FNDC3A: variants seen among roughly 807,000 people sequenced by gnomAD.
FNDC3A encodes fibronectin type-III domain-containing protein 3A.
A neutral mutation model predicts 148.9 loss-of-function variants in FNDC3A; 32 were observed. The ratio of observed to expected loss-of-function variants is 0.21; its 90% CI spans 0.16 to 0.29. The LOEUF (loss-of-function observed/expected upper bound fraction) is 0.29. Among genes scored for constraint, FNDC3A ranks in the 10% least tolerant of loss-of-function variants. The pLI is 1.00. For synonymous variants in FNDC3A, 472 were observed against 473.6 expected (o/e 1.00, Z 0.04); for missense variants, 1,191 against 1,452.8 (o/e 0.82, Z 2.93).
rs1886794641 is a variant in FNDC3A, at chr13:49,209,371, A to G, written c.*1976A>G. ...ACTGCAAAATTAGTGCAGAGGAGAA[A>G]ACAATTTTTAATGTAATCTTGATTT... On this transcript the variant is annotated 3_prime_UTR_variant, in exon 26 of 26. Transcript: ENST00000492622. 2 of 152,648 alleles carry G rather than the reference A, an allele frequency of 1.3e-5. No homozygotes were observed. The highest frequency in any genetic ancestry group is 1.3e-4 in the Admixed American group (2 of 15,284). 9.5% of individuals were successfully genotyped at this position (152,648 alleles called of 1,614,324 possible). A position where few individuals can be genotyped will look rare whatever the true frequency, so the allele number is the denominator to read the frequency against.
chr13:49,133,156 T>C (rs1276199396), intron 5 of FNDC3A, among the ~76,000 whole-genome samples: 1 of 152,200 alleles, frequency 6.6e-6, no homozygotes, highest in Admixed American at 6.5e-5. Context: ...TGGGTAGTGC[T>C]TGAGATTCTG....
intron 11 of FNDC3A, among the ~76,000 whole-genome samples, chr13:49,172,376 C>T (rs903163587): frequency 6.6e-6 from 1 of 152,050 alleles, no homozygotes; most frequent in Non-Finnish European, 1.5e-5. Flanking sequence ...TATTCCTTTC[C>T]TATGGCTGCT....
At chr13:49,058,221 A>G (rs1186379070) in intron 2 of FNDC3A, among the ~76,000 whole-genome samples, 6 of 152,118 alleles carry the variant, frequency 3.9e-5, no homozygotes, top group African/African-American at 9.7e-5. Context: ...GGGGGTCTGC[A>G]TGAGAGGGTC....
intron 2 of FNDC3A, among the ~76,000 whole-genome samples, chr13:49,015,373 A>G (rs1952473956): frequency 6.6e-6 from 1 of 152,108 alleles, no homozygotes; most frequent in South Asian, 2.1e-4. Flanking sequence ...AGTGAATGGG[A>G]GTTCACTCAT....
intron 3 of FNDC3A, among the ~76,000 whole-genome samples, chr13:49,098,936 T>C (rs934676979): frequency 1.3e-5 from 2 of 152,138 alleles, no homozygotes; most frequent in African/African-American, 2.4e-5. Context: ...CTTATTCTGT[T>C]CCCAAGTTCT....
At chr13:49,079,256 C>T (rs1875219347) in intron 3 of FNDC3A, among the ~76,000 whole-genome samples, 2 of 152,056 alleles carry the variant, frequency 1.3e-5, no homozygotes, top group South Asian at 4.2e-4. Flanking sequence ...CTGAGGTATA[C>T]TGTGCTAGTT....
chr13:48,993,464 A>T (rs1951958275), intron 1 of FNDC3A, among the ~76,000 whole-genome samples: 1 of 152,228 alleles, frequency 6.6e-6, no homozygotes, highest in African/African-American at 2.4e-5. Flanking sequence ...TTAGATTCTT[A>T]GATACTTATA....
At chr13:49,103,811 T>C (rs1593593025) in intron 3 of FNDC3A, among the ~76,000 whole-genome samples, 1 of 152,008 alleles carries the variant, frequency 6.6e-6, no homozygotes, top group Non-Finnish European at 1.5e-5. Context: ...AGAGGCGGAG[T>C]GACTATTGAT....
At chr13:49,023,735 T>G (rs1025102827) in intron 2 of FNDC3A, among the ~76,000 whole-genome samples, 1 of 151,968 alleles carries the variant, frequency 6.6e-6, no homozygotes, top group Non-Finnish European at 1.5e-5. Context: ...AAGAATGACT[T>G]GAAAGTAGCA....
chr13:49,200,757 ATACT>A (rs887215809), intron 23 of FNDC3A, among the ~76,000 whole-genome samples: 17 of 152,018 alleles, frequency 1.1e-4, no homozygotes, highest in Admixed American at 1.1e-3. Context: ...ACCTTTTATG[ATACT>A]GTTAAGTTTA....
intron 2 of FNDC3A, among the ~76,000 whole-genome samples, chr13:49,040,976 A>G (rs1874880666): frequency 6.6e-6 from 1 of 152,290 alleles, no homozygotes. Flanking sequence ...TCCGCTCATC[A>G]TATTGTACTA....
intron 3 of FNDC3A, among the ~76,000 whole-genome samples, chr13:49,096,451 C>G (rs1879530966): frequency 6.6e-6 from 1 of 152,106 alleles, no homozygotes; most frequent in Non-Finnish European, 1.5e-5. Context: ...TTTGCTTTAT[C>G]ATGTAATCCT....
At chr13:48,993,778 T>C (rs1951967046) in intron 1 of FNDC3A, among the ~76,000 whole-genome samples, 1 of 152,214 alleles carries the variant, frequency 6.6e-6, no homozygotes, top group African/African-American at 2.4e-5. Flanking sequence ...TGTTCAGTTA[T>C]TTCAGCTTTT....
rs1364848308 is a variant in FNDC3A, at chr13:49,198,532, A to G, written c.2945A>G (p.Asp982Gly). The change falls in exon 23 of 26, where the codon GAT becomes GGT. Residue 982 changes from aspartate (D) to glycine (G), a missense_variant. Physicochemically the swap from Asp to Gly is moderately conservative, Grantham distance 94. This residue lies in a region of FNDC3A where 751 missense variants were observed against 944.0 expected (regional missense o/e 0.80). Coordinates refer to ENST00000492622, the MANE Select transcript of FNDC3A (RefSeq NM_001079673.2). ...GGAACTCCAAAGACATTGTCAACCG[A>G]TTCTATTCAGTACCACCTTCAGATG... is the stretch of plus-strand genomic sequence containing the variant. ...GEGTPKTLST[D>G]SIQYHLQMED... 2 of 1,614,186 alleles carry G rather than the reference A, an allele frequency of 1.2e-6. No homozygotes were observed. The highest frequency in any genetic ancestry group is 1.1e-5 in the South Asian group (1 of 91,086).
intron 14 of FNDC3A, among the ~76,000 whole-genome samples, chr13:49,179,625 C>G (rs1312727513): frequency 6.6e-6 from 1 of 152,110 alleles, no homozygotes; most frequent in African/African-American, 2.4e-5. Context: ...AAGACTTTCT[C>G]TTCTCCCCAT....
At chr13:49,110,839 T>C (rs1175010083) in intron 3 of FNDC3A, among the ~76,000 whole-genome samples, 1 of 152,256 alleles carries the variant, frequency 6.6e-6, no homozygotes, top group Non-Finnish European at 1.5e-5. Context: ...ATTTAAGTTA[T>C]ACTAGTTGAA....
intron 12 of FNDC3A, among the ~76,000 whole-genome samples, 170 bp from the exon 13 acceptor site, chr13:49,175,193 CTGTT>C (rs1357193899): frequency 1.3e-5 from 2 of 152,148 alleles, no homozygotes; most frequent in Non-Finnish European, 2.9e-5. Flanking sequence ...CACTAATTCA[CTGTT>C]TGGTATCTGA....
At chr13:48,985,586 T>A (rs1181183877) in intron 1 of FNDC3A, among the ~76,000 whole-genome samples, 1 of 152,142 alleles carries the variant, frequency 6.6e-6, no homozygotes, top group Admixed American at 6.5e-5. Context: ...TAGATGTACT[T>A]CTTAAGATAT....
At chr13:49,178,708 G>A (rs1885156179) in intron 14 of FNDC3A, 54 bp downstream of exon 14, 2 of 979,248 alleles carry the variant, frequency 2.0e-6, no homozygotes, top group Non-Finnish European at 3.0e-6. Context: ...TCTTACTGGT[G>A]TGGTGGGGTT....
Sources: allele counts gnomAD v4.1 joint callset (sites outside exome capture counted in the v4.1 genomes callset), GRCh38; gene constraint gnomAD v4.1.1; regional missense constraint gnomAD v4.1.1; transcripts MANE v1.5; gene names NCBI Gene and HGNC (gene_info 2026-07-23, HGNC 2026-07-21).